Variants in CYBRD1 observed in about 807,000 individuals in gnomAD.
CYBRD1 encodes plasma membrane ascorbate-dependent reductase CYBRD1.
Under a neutral mutation model 21.9 loss-of-function variants are expected in CYBRD1, and 14 were observed. The ratio of observed to expected loss-of-function variants is 0.64; its 90% confidence interval spans 0.42 to 1.00. The LOEUF (loss-of-function observed/expected upper bound fraction) is 1.00, where lower values mean the gene tolerates loss of function less well. Among genes scored for constraint, CYBRD1 ranks in the 50% least tolerant of loss-of-function variants. CYBRD1 has a pLI of 0.00. For missense variants in CYBRD1, 328 were observed against 352.5 expected, an observed-to-expected ratio of 0.93 and a Z score of 0.56; for synonymous variants, 146 against 136.5, an observed-to-expected ratio of 1.07 and a Z score of -0.48.
chr2:171,533,770 CTTT>C (rs10707105), intron 1 of CYBRD1, among the ~76,000 whole-genome samples: 20 of 130,698 alleles, frequency 1.5e-4, no homozygotes, highest in Admixed American at 1.5e-4. Context: ...TTCTTTCTTT[CTTT>C]TTTTTTTTTT....
Position 171,522,701 on chromosome 2 carries a change from G to A in CYBRD1, c.156G>A (p.Val52=). 6.2e-7 allele frequency: 1 copy of A among 1,613,564 alleles called. No homozygotes were observed. The highest frequency in any genetic ancestry group is 8.5e-7 in the Non-Finnish European group (1 of 1,179,918). ...CACTAGAGTTTAACTGGCACCCAGT[G>A]CTCATGGTCACCGGCTTCGTCTTCA... ...GSALEFNWHP[V]LMVTGFVFIQ... The change falls in exon 1 of 4, where the codon GTG becomes GTA. Residue 52 remains valine (V), a synonymous_variant. Transcript: ENST00000321348. The surrounding 1 kb of genome is among the most constrained non-coding windows in gnomAD (Gnocchi z 4.3).
Position 171,557,593 on chromosome 2 carries a change from T to A in CYBRD1, c.*2766T>A, listed in dbSNP as rs1178975027. 2.6e-5 allele frequency: 4 copies of A among 152,184 alleles called. No homozygotes were observed. The highest frequency in any genetic ancestry group is 9.7e-5 in the African/African-American group (4 of 41,448). The allele number at this position is 152,184 out of a possible 1,614,324, so 9.4% of individuals were successfully genotyped here. On this transcript the variant is annotated 3_prime_UTR_variant, in exon 4 of 4. Transcript: ENST00000321348. ...AAGCACTTTCTTTCCTTTACTTGCG[T>A]GGTTTCATGTAAGCTGTGCTGTTTA...
Position 171,537,909 on chromosome 2 carries a change from T to C in CYBRD1, c.194-3676T>C, listed in dbSNP as rs142108719. The stretch of plus-strand genomic sequence containing the variant: ...GTGATAAATATGCTAATTACCTTGA[T>C]CTGATCACTATACATTGTATGTTTT... On this transcript the variant is annotated intron_variant, in intron 1 of 3. Coordinates refer to ENST00000321348, the MANE Select transcript of CYBRD1 (RefSeq NM_024843.4). Among the ~76,000 whole-genome samples the C allele has an allele frequency of 8.9e-3, 1,363 of 152,304 alleles. 20 individuals carry two copies. The highest frequency in any genetic ancestry group is 0.028 in the African/African-American group (1,143 of 41,558).
intron 2 of CYBRD1, among the ~76,000 whole-genome samples, chr2:171,548,770 T>TAAA (rs55810777): frequency 5.2e-5 from 6 of 116,026 alleles, no homozygotes; most frequent in South Asian, 3.1e-4. Context: ...TTACACACAC[T>TAAA]AAAAAAAAAA....
At chr2:171,531,154 CAAAA>C (rs5836342) in intron 1 of CYBRD1, among the ~76,000 whole-genome samples, 3 of 114,684 alleles carry the variant, frequency 2.6e-5, no homozygotes, top group Admixed American at 9.8e-5. Flanking sequence ...GACCCTGTCT[CAAAA>C]AAAAAAAAAA....
chr2:171,523,465 T>C (rs1697341150), intron 1 of CYBRD1, among the ~76,000 whole-genome samples: 1 of 152,174 alleles, frequency 6.6e-6, no homozygotes, highest in Non-Finnish European at 1.5e-5. Context: ...GAGCCCGACT[T>C]GTTTATGTGG....
chr2:171,534,130 C>G (rs1697513231), intron 1 of CYBRD1, among the ~76,000 whole-genome samples: 1 of 152,192 alleles, frequency 6.6e-6, no homozygotes. Flanking sequence ...GTTTGTCATG[C>G]TAGCATGTTC....
chr2:171,532,920 CAT>C (rs1207571239), intron 1 of CYBRD1, among the ~76,000 whole-genome samples: 2 of 146,618 alleles, frequency 1.4e-5, no homozygotes, highest in South Asian at 2.2e-4. Context: ...TGTATGGAAA[CAT>C]GTTGTATAGC....
intron 2 of CYBRD1, 113 bp downstream of exon 2, chr2:171,541,906 C>A: frequency 2.1e-6 from 2 of 964,332 alleles, no homozygotes; most frequent in Non-Finnish European, 3.1e-6. Context: ...GCTTAGCCAC[C>A]CAGGCTGGAG....
intron 1 of CYBRD1, among the ~76,000 whole-genome samples, chr2:171,526,674 C>T (rs566660045): frequency 6.6e-6 from 1 of 152,144 alleles, no homozygotes; most frequent in African/African-American, 2.4e-5. Context: ...ATCAGAGAAA[C>T]GAACCTTGAA....
chr2:171,533,082 T>C (rs954829016), intron 1 of CYBRD1, among the ~76,000 whole-genome samples: 2 of 151,422 alleles, frequency 1.3e-5, no homozygotes, highest in South Asian at 2.1e-4. Flanking sequence ...TTAGAATTAT[T>C]TGGGCCGGGC....
intron 2 of CYBRD1, among the ~76,000 whole-genome samples, chr2:171,547,772 G>A (rs1054786112): frequency 2.6e-5 from 4 of 152,174 alleles, no homozygotes; most frequent in East Asian, 1.9e-4. Flanking sequence ...GAGGCACATC[G>A]GAGAGTCAGA....
intron 2 of CYBRD1, among the ~76,000 whole-genome samples, chr2:171,552,438 C>G (rs1387373766): frequency 6.6e-6 from 1 of 152,168 alleles, no homozygotes; most frequent in African/African-American, 2.4e-5. Context: ...TCTTCTGTCT[C>G]CCCATTAGCC....
chr2:171,525,403 TG>T (rs1697369856), intron 1 of CYBRD1, among the ~76,000 whole-genome samples: 1 of 152,196 alleles, frequency 6.6e-6, no homozygotes, highest in South Asian at 2.1e-4. Context: ...TGTAGGCACA[TG>T]TATAGTTCTC....
At chr2:171,552,874 T>TAAA (rs144108518) in intron 2 of CYBRD1, among the ~76,000 whole-genome samples, 18,748 of 152,140 alleles carry the variant, frequency 0.12, 1,338 homozygotes, top group South Asian at 0.15. Context: ...TTTAGTGATT[T>TAAA]AAAAAATCTT....
intron 2 of CYBRD1, among the ~76,000 whole-genome samples, chr2:171,542,157 C>T (rs1347618565): frequency 1.3e-5 from 2 of 152,066 alleles, no homozygotes; most frequent in Non-Finnish European, 2.9e-5. Flanking sequence ...AGCCACCGCG[C>T]CCAGTGACTG....
intron 2 of CYBRD1, among the ~76,000 whole-genome samples, chr2:171,546,487 C>T (rs1697717115): frequency 6.6e-6 from 1 of 152,144 alleles, no homozygotes; most frequent in Non-Finnish European, 1.5e-5. Flanking sequence ...TGGTTAAGAA[C>T]ATGCATTTTT....
intron 1 of CYBRD1, among the ~76,000 whole-genome samples, chr2:171,538,017 CT>C (rs1697570288): frequency 6.6e-6 from 1 of 152,174 alleles, no homozygotes; most frequent in South Asian, 2.1e-4. Context: ...TGGCTCACAC[CT>C]GTAATCCCAG....
chr2:171,555,040 A>G lies in CYBRD1; in HGVS notation c.*213A>G, dbSNP rs1683458367. On this transcript the variant is annotated 3_prime_UTR_variant, in exon 4 of 4. Coordinates refer to ENST00000321348, the MANE Select transcript of CYBRD1 (RefSeq NM_024843.4). ...ATTAATATAAATAATAGCAGATATA[A>G]ATTGTGGTTATGTTACCTTTATCTT... is the stretch of plus-strand genomic sequence containing the variant. 1.7e-6 allele frequency: 1 copy of G among 600,778 alleles called. No individual in the cohort carries two copies. The highest frequency in any genetic ancestry group is 1.9e-5 in the African/African-American group (1 of 53,704). 37.2% of individuals were successfully genotyped at this position (600,778 alleles called of 1,614,324 possible). A position where few individuals can be genotyped will look rare whatever the true frequency, so the allele number is the denominator to read the frequency against.
Sources: allele counts gnomAD v4.1 joint callset (sites outside exome capture counted in the v4.1 genomes callset), GRCh38; gene constraint gnomAD v4.1.1; non-coding constraint Gnocchi (gnomAD v3.1); transcripts MANE v1.5; gene names NCBI Gene and HGNC (gene_info 2026-07-23, HGNC 2026-07-21).